Variants in ASCC1 observed in about 807,000 individuals in gnomAD.
ASCC1 encodes ASC-1 complex subunit P50.
A neutral mutation model predicts 46.6 loss-of-function variants in ASCC1; 35 were observed. The observed-to-expected ratio is 0.75, with a 90% CI of 0.57 to 0.99. The LOEUF is 0.99. Among genes scored for constraint, ASCC1 ranks in the 50% least tolerant of loss-of-function variants. The probability of loss-of-function intolerance (pLI) is 0.00; values close to 1 mark genes in which losing one functional copy is unlikely to be tolerated. For synonymous variants in ASCC1, 143 were observed against 146.6 expected (o/e 0.98, Z 0.18); for missense variants, 376 against 428.7 (o/e 0.88, Z 1.09).
chr10:72,135,381 G>C (rs1846065863), intron 7 of ASCC1, among the ~76,000 whole-genome samples: 1 of 152,178 alleles, frequency 6.6e-6, no homozygotes, highest in African/African-American at 2.4e-5. Flanking sequence ...TAAGTAGAGT[G>C]ATCAGGAAGG....
intron 5 of ASCC1, among the ~76,000 whole-genome samples, chr10:72,178,967 C>T (rs1852212135): frequency 6.6e-6 from 1 of 151,798 alleles, no homozygotes; most frequent in Non-Finnish European, 1.5e-5. Flanking sequence ...CTTCTTAAGT[C>T]CTGAACCAGG....
At chr10:72,137,693 C>T (rs755993439) in intron 7 of ASCC1, among the ~76,000 whole-genome samples, 3 of 151,884 alleles carry the variant, frequency 2.0e-5, no homozygotes, top group African/African-American at 2.4e-5. Flanking sequence ...GAAAAAAGTA[C>T]GAAAAGCATA....
intron 5 of ASCC1, among the ~76,000 whole-genome samples, chr10:72,195,940 T>G (rs1589578186): frequency 6.6e-6 from 1 of 152,162 alleles, no homozygotes; most frequent in African/African-American, 2.4e-5. Context: ...GATTTTTTAT[T>G]AATCTTTTCT....
intron 5 of ASCC1, among the ~76,000 whole-genome samples, chr10:72,184,238 CAA>C (rs563429592): frequency 7.1e-6 from 1 of 141,806 alleles, no homozygotes; most frequent in Non-Finnish European, 1.6e-5. Context: ...CAAAGAAGAC[CAA>C]AAAAAAAATA....
At chr10:72,168,306 T>C (rs531473699) in intron 5 of ASCC1, among the ~76,000 whole-genome samples, 30 of 152,160 alleles carry the variant, frequency 2.0e-4, no homozygotes, top group African/African-American at 7.0e-4. Context: ...GATATAAAAA[T>C]GACTCGAACA....
At chr10:72,197,178 T>A (rs1855561635) in intron 4 of ASCC1, among the ~76,000 whole-genome samples, 189 bp from the exon 5 acceptor site, 1 of 151,922 alleles carries the variant, frequency 6.6e-6, no homozygotes, top group South Asian at 2.1e-4. Context: ...GGCTTAAAAA[T>A]AGAATATCCT....
chr10:72,204,485 G>GC, intron 3 of ASCC1: 1 of 1,543,374 alleles, frequency 6.5e-7, no homozygotes, highest in Admixed American at 2.0e-5. Flanking sequence ...ACAGTCGTTT[G>GC]ATGTGTTCAA....
At chr10:72,116,579 T>C (rs1843518025) in intron 9 of ASCC1, among the ~76,000 whole-genome samples, 1 of 152,206 alleles carries the variant, frequency 6.6e-6, no homozygotes, top group African/African-American at 2.4e-5. Flanking sequence ...CTTTCTGTAA[T>C]TTTTATCTCT....
chr10:72,137,299 C>T (rs1408916808), intron 7 of ASCC1, among the ~76,000 whole-genome samples: 2 of 151,892 alleles, frequency 1.3e-5, no homozygotes, highest in African/African-American at 2.4e-5. Flanking sequence ...GAGGCCAAGG[C>T]GTGCAGATCA....
At chr10:72,210,687 T>C (rs780336340) in intron 3 of ASCC1, 45 bp downstream of exon 3, 38 of 1,552,170 alleles carry the variant, frequency 2.4e-5, no homozygotes, top group Non-Finnish European at 3.4e-5. Flanking sequence ...CCCGCTGAGT[T>C]TCCTGGAAGT....
At chr10:72,179,495 C>G (rs972127388) in intron 5 of ASCC1, among the ~76,000 whole-genome samples, 2 of 152,166 alleles carry the variant, frequency 1.3e-5, no homozygotes, top group African/African-American at 2.4e-5. Context: ...AACTTTTCCT[C>G]AGTGACCCCT....
intron 5 of ASCC1, among the ~76,000 whole-genome samples, chr10:72,185,674 T>G (rs1215589327): frequency 1.3e-5 from 2 of 152,112 alleles, no homozygotes; most frequent in African/African-American, 4.8e-5. Context: ...GGAGTGGGGA[T>G]CAACTGCAGA....
chr10:72,184,783 C>CT (rs1853203517), intron 5 of ASCC1, among the ~76,000 whole-genome samples: 1 of 140,358 alleles, frequency 7.1e-6, no homozygotes, highest in Admixed American at 7.0e-5. Flanking sequence ...CAGCAAGACT[C>CT]TATCTCAAAA....
intron 5 of ASCC1, among the ~76,000 whole-genome samples, chr10:72,165,216 G>A (rs1345612804): frequency 6.6e-6 from 1 of 152,154 alleles, no homozygotes; most frequent in Non-Finnish European, 1.5e-5. Flanking sequence ...CCAGGTTCAA[G>A]TGATTTGCCT....
At chr10:72,123,416 C>T (rs1844464271) in intron 9 of ASCC1, among the ~76,000 whole-genome samples, 1 of 151,664 alleles carries the variant, frequency 6.6e-6, no homozygotes, top group Non-Finnish European at 1.5e-5. Context: ...AGGAGTGAAT[C>T]CTAATGTAAA....
At chr10:72,207,491 T>C (rs1750255212) in intron 3 of ASCC1, among the ~76,000 whole-genome samples, 1 of 152,154 alleles carries the variant, frequency 6.6e-6, no homozygotes, top group African/African-American at 2.4e-5. Context: ...GTTGAATACA[T>C]AAGAGGAAAT....
rs374163271 is a variant in ASCC1 at position 72,212,651 on chromosome 10, T to C, written c.112+536A>G. On this transcript the variant is annotated intron_variant, in intron 2 of 9. Coordinates refer to ENST00000672957, the MANE Select transcript of ASCC1 (RefSeq NM_001198800.3). ...TCACTTGAGGTCAGGAGTTTGAGAC[T>C]AGCCTGGCCAACATGGTGAAACCCT... Among the ~76,000 whole-genome samples, 13 of 152,022 alleles carry C rather than the reference T, an allele frequency of 8.6e-5. No individual in the cohort carries two copies. In the East Asian group the frequency reaches 2.3e-3, roughly 27 times the overall value.
At chr10:72,205,344 T>C (rs1271342577) in intron 3 of ASCC1, among the ~76,000 whole-genome samples, 1 of 151,822 alleles carries the variant, frequency 6.6e-6, no homozygotes, top group Non-Finnish European at 1.5e-5. Context: ...GCAAGGTGGC[T>C]CAATGCCGGG....
intron 7 of ASCC1, among the ~76,000 whole-genome samples, chr10:72,152,479 C>T (rs1848481650): frequency 6.6e-6 from 1 of 152,072 alleles, no homozygotes; most frequent in Non-Finnish European, 1.5e-5. Flanking sequence ...ACAAAGGAAC[C>T]ACTGAGTTCA....
Sources: gnomAD v4.1 joint callset for allele counts (sites outside exome capture counted in the v4.1 genomes callset) on GRCh38, gnomAD v4.1.1 for gene constraint, MANE v1.5 for transcripts, NCBI Gene and HGNC (gene_info 2026-07-23, HGNC 2026-07-21) for gene names.